Variants in MDGA2 observed in about 807,000 individuals in gnomAD.
MDGA2 encodes the protein MAM domain containing glycosylphosphatidylinositol anchor 2.
In MDGA2, 40 loss-of-function variants were observed where a neutral mutation model predicts 117.8. That is an observed-to-expected ratio of 0.34 (90% CI 0.26 to 0.44). The LOEUF (loss-of-function observed/expected upper bound fraction) is 0.44, where lower values mean the gene tolerates loss of function less well. MDGA2 is among the 20% of genes least tolerant of loss of function. MDGA2 has a pLI of 1.00. For synonymous variants in MDGA2, 452 were observed against 439.0 expected, an observed-to-expected ratio of 1.03 and a Z score of -0.37; for missense variants, 1,123 against 1,250.6, an observed-to-expected ratio of 0.90 and a Z score of 1.54.
chr14:47,499,213 T>A (rs1459030673), intron 1 of MDGA2, among the ~76,000 whole-genome samples: 1 of 152,152 alleles, frequency 6.6e-6, no homozygotes, highest in African/African-American at 2.4e-5. Context: ...TGTACCTGGC[T>A]GTCTTCCCAC....
chr14:47,134,777 C>CTA (rs146851138), intron 4 of MDGA2, among the ~76,000 whole-genome samples: 5,061 of 145,778 alleles, frequency 0.035, 187 homozygotes, highest in African/African-American at 0.1. Flanking sequence ...CACACACACA[C>CTA]TATATATATA....
At chr14:47,058,538 G>A (rs970755064) in intron 7 of MDGA2, 3 of 984,450 alleles carry the variant, frequency 3.0e-6, no homozygotes, top group South Asian at 4.7e-5. Context: ...GTATGCTATA[G>A]CTTATTCATT....
At chr14:47,504,671 C>T (rs1955783) in intron 1 of MDGA2, among the ~76,000 whole-genome samples, 112,994 of 151,598 alleles carry the variant, frequency 0.75, 42,530 homozygotes, top group East Asian at 1. Context: ...GAAGGGCTAT[C>T]ATAAAAAAAA....
At chr14:47,038,125 T>C (rs767453113) in intron 7 of MDGA2, among the ~76,000 whole-genome samples, 3 of 152,048 alleles carry the variant, frequency 2.0e-5, no homozygotes, top group Non-Finnish European at 2.9e-5. Context: ...AGAGTCAGGG[T>C]TTCACCATGT....
chr14:47,090,353 C>CT (rs1315592509), intron 6 of MDGA2, among the ~76,000 whole-genome samples: 1 of 150,156 alleles, frequency 6.7e-6, no homozygotes, highest in African/African-American at 2.5e-5. Context: ...TTCTTTACTT[C>CT]TTTATATTAG....
chr14:47,325,368 T>C (rs1890114116), intron 1 of MDGA2, among the ~76,000 whole-genome samples: 1 of 152,150 alleles, frequency 6.6e-6, no homozygotes, highest in South Asian at 2.1e-4. Context: ...AGATAAGTAG[T>C]GTCAATCATT....
intron 8 of MDGA2, among the ~76,000 whole-genome samples, chr14:46,984,094 T>G (rs1886781054): frequency 6.6e-6 from 1 of 152,020 alleles, no homozygotes; most frequent in South Asian, 2.1e-4. Context: ...CTCAGAACTC[T>G]AGATTCCAAC....
At chr14:47,229,274 T>C (rs1886609232) in intron 2 of MDGA2, among the ~76,000 whole-genome samples, 4 of 152,128 alleles carry the variant, frequency 2.6e-5, no homozygotes, top group South Asian at 2.1e-4. Flanking sequence ...TCAAGTGTGA[T>C]AGCTGGGAAT....
At chr14:47,045,738 G>A (rs1889235440) in intron 7 of MDGA2, among the ~76,000 whole-genome samples, 1 of 152,158 alleles carries the variant, frequency 6.6e-6, no homozygotes. Flanking sequence ...GCCAAGGTGG[G>A]TGGATCACCT....
chr14:47,643,405 T>C (rs1897466059), intron 1 of MDGA2, among the ~76,000 whole-genome samples: 1 of 152,040 alleles, frequency 6.6e-6, no homozygotes, highest in Non-Finnish European at 1.5e-5. Context: ...CATATGTAAA[T>C]TAATGATTTC....
chr14:47,592,804 T>C (rs1204543720), intron 1 of MDGA2, among the ~76,000 whole-genome samples: 2 of 152,094 alleles, frequency 1.3e-5, no homozygotes, highest in African/African-American at 4.8e-5. Flanking sequence ...ATCTAGGCAA[T>C]ACCATCTGGG....
intron 3 of MDGA2, among the ~76,000 whole-genome samples, chr14:47,187,834 G>C (rs914318998): frequency 6.6e-6 from 1 of 151,966 alleles, no homozygotes; most frequent in South Asian, 2.1e-4. Context: ...GAAAATCAAA[G>C]TCAGGATGTC....
intron 1 of MDGA2, among the ~76,000 whole-genome samples, chr14:47,375,873 C>A (rs923732312): frequency 6.6e-6 from 1 of 152,058 alleles, no homozygotes; most frequent in Non-Finnish European, 1.5e-5. Flanking sequence ...CCCACAGCTG[C>A]CCCTCCCAAA....
At chr14:47,266,858 C>A (rs751638389) in intron 2 of MDGA2, among the ~76,000 whole-genome samples, 6 of 152,148 alleles carry the variant, frequency 3.9e-5, no homozygotes, top group Admixed American at 3.3e-4. Flanking sequence ...CCTTTTTGGG[C>A]TCTCAAAGTC....
At chr14:47,642,649 G>C (rs1238960766) in intron 1 of MDGA2, among the ~76,000 whole-genome samples, 4 of 151,756 alleles carry the variant, frequency 2.6e-5, no homozygotes, top group Non-Finnish European at 4.4e-5. Context: ...CCCTATCTAT[G>C]TATCTATCTA....
At chr14:47,047,136 A>C (rs757727676) in intron 7 of MDGA2, among the ~76,000 whole-genome samples, 21 of 152,184 alleles carry the variant, frequency 1.4e-4, no homozygotes, top group Admixed American at 6.6e-4. Context: ...ATTTCACAAG[A>C]CCTACACTTC....
intron 1 of MDGA2, among the ~76,000 whole-genome samples, chr14:47,647,685 C>T (rs1043778456): frequency 2.6e-5 from 4 of 152,070 alleles, no homozygotes; most frequent in African/African-American, 9.7e-5. Flanking sequence ...CCACTTTTCG[C>T]CTACCACAAA....
chr14:47,013,104 G>T (rs568613557), intron 8 of MDGA2, among the ~76,000 whole-genome samples: 2 of 152,226 alleles, frequency 1.3e-5, no homozygotes, highest in Non-Finnish European at 2.9e-5. Context: ...AATGAAGTTT[G>T]CTGCATCAAT....
At chr14:47,175,417 C>A (rs892863670) in intron 3 of MDGA2, among the ~76,000 whole-genome samples, 36 of 150,038 alleles carry the variant, frequency 2.4e-4, no homozygotes, top group South Asian at 6.3e-4. Context: ...ACTGGCAAAC[C>A]GAATCCAGCA....
Sources: gnomAD v4.1 joint callset for allele counts (sites outside exome capture counted in the v4.1 genomes callset) on GRCh38, gnomAD v4.1.1 for gene constraint, MANE v1.5 for transcripts, NCBI Gene and HGNC (gene_info 2026-07-23, HGNC 2026-07-21) for gene names.